The following DCLRE1A variants were observed in gnomAD, a reference collection of about 807,000 sequenced individuals.
DCLRE1A encodes DNA cross-link repair 1A protein.
In DCLRE1A, 64 loss-of-function variants were observed where a neutral mutation model predicts 91.9. That is an observed-to-expected ratio of 0.70 (90% CI 0.57 to 0.86). The LOEUF (loss-of-function observed/expected upper bound fraction) is 0.86. Ranked by LOEUF, DCLRE1A falls within the 40% of genes least tolerant of loss-of-function variation. The pLI, the probability that DCLRE1A is intolerant of heterozygous loss-of-function variation, is 0.00. For synonymous variants in DCLRE1A, 416 were observed against 431.1 expected (o/e 0.96, Z 0.43); for missense variants, 1,145 against 1,213.3 (o/e 0.94, Z 0.84).
chr10:113,841,080 T>G (rs1351779620), intron 7 of DCLRE1A, among the ~76,000 whole-genome samples: 1 of 152,224 alleles, frequency 6.6e-6, no homozygotes, highest in Non-Finnish European at 1.5e-5. Context: ...CTTCACTCAT[T>G]TCCCCACTCA....
rs757964512 is a variant in DCLRE1A, at chr10:113,848,975, C to A, written c.2125+5G>T. Reference sequence around the variant, plus strand: ...GATATATCGAGTATTGACATTTCAACTTACCAGGTATTTTCTTATAGAATG... The same window carrying A: ...GATATATCGAGTATTGACATTTCAAATTACCAGGTATTTTCTTATAGAATG... On this transcript the variant is annotated splice_donor_5th_base_variant and intron_variant, in intron 2 of 8. Coordinates refer to ENST00000361384, the MANE Select transcript of DCLRE1A (RefSeq NM_014881.5). The A allele has an allele frequency of 1.9e-6, 3 of 1,606,334 alleles. No homozygotes were observed. The highest frequency in any genetic ancestry group is 1.7e-4 in the Middle Eastern group (1 of 6,008).
intron 5 of DCLRE1A, 95 bp from the exon 6 acceptor site, chr10:113,842,583 A>G: frequency 4.2e-6 from 5 of 1,197,194 alleles, no homozygotes; most frequent in Non-Finnish European, 4.7e-6. Context: ...TTAGCAACTT[A>G]CATACAACAG....
rs1845554404 is a variant in DCLRE1A at position 113,847,268 on chromosome 10, T to C, written c.2193A>G (p.Thr731=). 4 of 1,613,958 alleles carry C rather than the reference T, an allele frequency of 2.5e-6. No individual in the cohort carries two copies. The highest frequency in any genetic ancestry group is 1.1e-5 in the South Asian group (1 of 91,064). Residue 731 remains threonine (T), a synonymous_variant, in exon 3 of 9, where the codon ACA becomes ACG. Coordinates refer to ENST00000361384, the MANE Select transcript of DCLRE1A (RefSeq NM_014881.5). Reference sequence around the variant, plus strand: ...CAGCATAATGATCAGAATGAAAATGTGTGAGAAAATAGGCTGTGCAACCTT... The same window carrying C: ...CAGCATAATGATCAGAATGAAAATGCGTGAGAAAATAGGCTGTGCAACCTT... ...VVEGCTAYFL[T]HFHSDHYAGL...
chr10:113,844,330 G>T, intron 4 of DCLRE1A, 86 bp from the exon 5 acceptor site: 1 of 1,507,216 alleles, frequency 6.6e-7, no homozygotes. Context: ...AAGTTAGCAC[G>T]CTTTATTAGC....
chr10:113,847,413 T>C, intron 2 of DCLRE1A, 78 bp from the exon 3 acceptor site: 1 of 1,485,240 alleles, frequency 6.7e-7, no homozygotes, highest in Non-Finnish European at 9.1e-7. Context: ...GAATGAACCC[T>C]CTATCCTCTT....
rs1286507022 is a variant in DCLRE1A, at chr10:113,845,784, T to C, written c.2279A>G (p.Lys760Arg). 2 of 1,614,010 alleles carry C rather than the reference T, an allele frequency of 1.2e-6. No homozygotes were observed. The highest frequency in any genetic ancestry group is 3.3e-5 in the Admixed American group (2 of 60,002). The change falls in exon 4 of 9, where the codon AAG becomes AGG. Residue 760 changes from lysine to arginine, a missense_variant. Physicochemically the swap from Lys to Arg is conservative, Grantham distance 26. Coordinates refer to ENST00000361384, the MANE Select transcript of DCLRE1A (RefSeq NM_014881.5). ...YCSEITGNLL[K>R]NKLHVQEQYI... ...TTGTTCTTGCACATGAAGCTTGTTCTTCAACAAATTGCCAGTTATCTGCAA... is the reference window on the plus strand; with the variant it reads ...TTGTTCTTGCACATGAAGCTTGTTCCTCAACAAATTGCCAGTTATCTGCAA...
At position 113,849,667 on chromosome 10, in the gene DCLRE1A, G is replaced by A. The variant is rs750518411; in HGVS notation, c.1438C>T (p.Gln480Ter). 1.2e-6 allele frequency: 2 copies of A among 1,613,968 alleles called. No homozygotes were observed. Among genetic ancestry groups the A allele is most frequent in the African/African-American group, 1.3e-5 (1 of 74,898 alleles). ...ESQVEGYLSS[Q>*]PTQNTIRKLS... ...TTTCTAATTGTATTTTGGGTTGGTT[G>A]GGAAGAAAGATACCCTTCTACCTGA... The change falls in exon 2 of 9, where the codon CAA becomes TAA. Residue 480 changes from glutamine (Q) to a stop codon, truncating the protein, a stop_gained. Coordinates refer to ENST00000361384, the MANE Select transcript of DCLRE1A (RefSeq NM_014881.5). LOFTEE classifies it high-confidence loss of function.
At chr10:113,850,780 T>G (rs944733144) in intron 1 of DCLRE1A, 136 bp from the exon 2 acceptor site, 2 of 643,332 alleles carry the variant, frequency 3.1e-6, no homozygotes, top group Admixed American at 3.4e-5. Flanking sequence ...TTAATAAGAT[T>G]AGTTATAATT....
chr10:113,847,251 T>C lies in DCLRE1A; in HGVS notation c.2210A>G (p.His737Arg), dbSNP rs768098142. The C allele has an allele frequency of 1.5e-5, 25 of 1,613,796 alleles. No homozygotes were observed. Among genetic ancestry groups the C allele is most frequent in the Non-Finnish European group, 1.9e-5 (23 of 1,179,866 alleles). Reference protein sequence around the residue: ...AYFLTHFHSDHYAGLSKHFTF... With the variant: ...AYFLTHFHSDRYAGLSKHFTF... ...GAAGTGTTTAGACAATCCAGCATAA[T>C]GATCAGAATGAAAATGTGTGAGAAA... is the stretch of plus-strand genomic sequence containing the variant. The change falls in exon 3 of 9, where the codon CAT becomes CGT. Residue 737 changes from histidine to arginine, a missense_variant. Physicochemically the swap from His to Arg is conservative, Grantham distance 29. Coordinates refer to ENST00000361384, the MANE Select transcript of DCLRE1A (RefSeq NM_014881.5).
intron 5 of DCLRE1A, 29 bp downstream of exon 5, chr10:113,844,075 A>C (rs373824749): frequency 6.8e-6 from 11 of 1,611,670 alleles, no homozygotes; most frequent in Non-Finnish European, 9.3e-6. Flanking sequence ...CAGTGGGAAA[A>C]GGAAACACAC....
In DCLRE1A at chr10:113,850,224, C is replaced by T. The variant is rs1192801129; in HGVS notation, c.881G>A (p.Ser294Asn). The change falls in exon 2 of 9, where the codon AGT becomes AAT. Residue 294 changes from serine (S) to asparagine (N), a missense_variant. Ser to Asn is a conservative substitution (Grantham distance 46). Coordinates refer to ENST00000361384, the MANE Select transcript of DCLRE1A (RefSeq NM_014881.5). ...INLPLPENDF[S>N]DCEISYSPLQ... The stretch of plus-strand genomic sequence containing the variant: ...TGGAGAATAGGAGATTTCACAGTCA[C>T]TGAAGTCATTTTCTGGCAATGGCAA... 4 of 1,614,138 alleles carry T rather than the reference C, an allele frequency of 2.5e-6. No individual in the cohort carries two copies. Among genetic ancestry groups the T allele is most frequent in the South Asian group, 1.1e-5 (1 of 91,072 alleles).
In DCLRE1A at chr10:113,837,137, C is replaced by T. The variant is rs747290692; in HGVS notation, c.2887G>A (p.Gly963Arg). The T allele has an allele frequency of 2.5e-6, 4 of 1,613,452 alleles. No individual in the cohort carries two copies. The South Asian group carries it at 3.3e-5, about 13-fold the overall frequency. The change falls in exon 8 of 9, where the codon GGA (glycine) becomes AGA (arginine). Residue 963 changes from glycine (G) to arginine (R), a missense_variant. Gly to Arg is a moderately radical substitution (Grantham distance 125). Transcript: ENST00000361384. ...YNQILAFRPT[G>R]WTHSNKFTRI... is the part of the protein sequence containing the mutation. The stretch of plus-strand genomic sequence containing the variant: ...GTGAACTTGTTAGAGTGTGTCCATC[C>T]TGTAGGTCGAAATGCCAAAATCTGA...
In DCLRE1A at chr10:113,849,528, A is replaced by G. The variant is rs781144369; in HGVS notation, c.1577T>C (p.Leu526Ser). ...ATACTTCGGAGCAGGTGTACTAGAC[A>G]AGTTTTCTGTATTTAAAATTGTAGC... ...GKATILNTEN[L>S]SSTPAPKYLK... Residue 526 changes from leucine to serine, a missense_variant, in exon 2 of 9, where the codon TTG becomes TCG. Coordinates refer to ENST00000361384, the MANE Select transcript of DCLRE1A (RefSeq NM_014881.5). 1.9e-6 allele frequency: 3 copies of G among 1,613,820 alleles called. No individual in the cohort carries two copies. Among genetic ancestry groups the G allele is most frequent in the Non-Finnish European group, 2.5e-6 (3 of 1,180,006 alleles).
chr10:113,850,493 G>A lies in DCLRE1A; in HGVS notation c.612C>T (p.Gly204=), dbSNP rs369452771. The change falls in exon 2 of 9, where the codon GGC becomes GGT. Residue 204 remains glycine (G), a synonymous_variant. Transcript: ENST00000361384. The stretch of plus-strand genomic sequence containing the variant: ...ATCTTTCCTCAAGGCTACAAAGGAC[G>A]CCTGACTTAGTCTCACTGAAACTGC... ...SGGSFSETKS[G]VLCSLEERWS... is the part of the protein sequence containing the mutation. 4 of 1,613,996 alleles carry A rather than the reference G, an allele frequency of 2.5e-6. No homozygotes were observed. The highest frequency in any genetic ancestry group is 2.2e-5 in the East Asian group (1 of 44,882).
chr10:113,850,765 C>T, intron 1 of DCLRE1A, 121 bp from the exon 2 acceptor site: 1 of 704,384 alleles, frequency 1.4e-6, no homozygotes. Flanking sequence ...TAAAAAGCAA[C>T]AATTTTAATA....
chr10:113,842,244 T>C (rs563453420), intron 6 of DCLRE1A, 99 bp downstream of exon 6: 4 of 1,039,258 alleles, frequency 3.8e-6, no homozygotes, highest in South Asian at 5.1e-5. Context: ...TTACAGGAAA[T>C]AATTATCAAA....
chr10:113,841,627 C>A, intron 6 of DCLRE1A, 67 bp from the exon 7 acceptor site: 1 of 1,480,856 alleles, frequency 6.8e-7, no homozygotes. Context: ...ACAGCTTAAG[C>A]AAATTTTAAG....
chr10:113,837,484 T>A (rs1259228195), intron 7 of DCLRE1A, among the ~76,000 whole-genome samples: 1 of 152,194 alleles, frequency 6.6e-6, no homozygotes, highest in African/African-American at 2.4e-5. Context: ...AAATTACAAT[T>A]CTGATAGCTA....
Position 113,848,080 on chromosome 10 carries a change from G to A in DCLRE1A, c.2126-745C>T, listed in dbSNP as rs188322559. Among the ~76,000 whole-genome samples the A allele has an allele frequency of 3.5e-3, 539 of 152,308 alleles. 4 individuals are homozygous for A. Among genetic ancestry groups the A allele is most frequent in the African/African-American group, 0.012 (504 of 41,564 alleles). On this transcript the variant is annotated intron_variant, in intron 2 of 8. Transcript: ENST00000361384. ...CGTAATCCCAGCACTTTGGGAGGCC[G>A]AGGCGGGCGGATCACGAAGTCAGGA... is the stretch of plus-strand genomic sequence containing the variant.
Sources: allele counts gnomAD v4.1 joint callset (sites outside exome capture counted in the v4.1 genomes callset), GRCh38; gene constraint gnomAD v4.1.1; transcripts MANE v1.5; gene names NCBI Gene and HGNC (gene_info 2026-07-23, HGNC 2026-07-21).